The following FA2H variants were observed in gnomAD, a reference collection of about 807,000 sequenced individuals.
FA2H encodes the protein fatty acid alpha-hydroxylase.
Under a neutral mutation model 44.9 loss-of-function variants are expected in FA2H, and 22 were observed. The ratio of observed to expected loss-of-function variants is 0.49; its 90% confidence interval spans 0.35 to 0.70. The LOEUF (loss-of-function observed/expected upper bound fraction) is 0.70, where lower values mean the gene tolerates loss of function less well. Ranked by LOEUF, FA2H falls within the 30% of genes least tolerant of loss-of-function variation. The probability of loss-of-function intolerance (pLI) is 0.01; values close to 1 mark genes in which losing one functional copy is unlikely to be tolerated. For synonymous variants in FA2H, 243 were observed against 213.2 expected, an observed-to-expected ratio of 1.14 and a Z score of -1.22; for missense variants, 501 against 504.9, an observed-to-expected ratio of 0.99 and a Z score of 0.07.
At chr16:74,741,543 C>T (rs1421926729) in intron 1 of FA2H, among the ~76,000 whole-genome samples, 8 of 152,012 alleles carry the variant, frequency 5.3e-5, no homozygotes, top group African/African-American at 1.9e-4. Context: ...CCCATGCCAC[C>T]TCTGTCTTCT....
chr16:74,754,805 T>A (rs1377413011), intron 1 of FA2H, among the ~76,000 whole-genome samples: 2 of 152,160 alleles, frequency 1.3e-5, no homozygotes, highest in East Asian at 3.9e-4. Context: ...TGGGATTACA[T>A]GCCTGAGCCA....
chr16:74,771,253 C>T (rs947125596), intron 1 of FA2H, among the ~76,000 whole-genome samples: 2 of 151,968 alleles, frequency 1.3e-5, no homozygotes, highest in Admixed American at 6.6e-5. Context: ...TGCAGTGGTG[C>T]GATCTCAGCT....
At chr16:74,747,273 T>C (rs775616134) in intron 1 of FA2H, among the ~76,000 whole-genome samples, 1 of 151,926 alleles carries the variant, frequency 6.6e-6, no homozygotes, top group Non-Finnish European at 1.5e-5. Flanking sequence ...ATCTCGCCAC[T>C]GCACTCCAGC....
At chr16:74,734,242 C>T (rs576954372) in intron 2 of FA2H, among the ~76,000 whole-genome samples, 1 of 152,318 alleles carries the variant, frequency 6.6e-6, no homozygotes, top group African/African-American at 2.4e-5. Context: ...TCCCACGGCT[C>T]CCCCTACAGT....
chr16:74,771,743 C>A (rs1962911769), intron 1 of FA2H, among the ~76,000 whole-genome samples: 1 of 152,152 alleles, frequency 6.6e-6, no homozygotes, highest in Non-Finnish European at 1.5e-5. Flanking sequence ...AATGCTGAGT[C>A]CCAGCATATT....
At chr16:74,766,125 C>G (rs1446881758) in intron 1 of FA2H, among the ~76,000 whole-genome samples, 2 of 151,994 alleles carry the variant, frequency 1.3e-5, no homozygotes, top group African/African-American at 4.8e-5. Context: ...ATGGTGAAAC[C>G]CTGTCTCTAG....
chr16:74,772,826 A>G (rs1267652578), intron 1 of FA2H, among the ~76,000 whole-genome samples: 4 of 152,280 alleles, frequency 2.6e-5, no homozygotes, highest in African/African-American at 9.6e-5. Flanking sequence ...ATAGTAGCCA[A>G]TGCCACATCA....
intron 1 of FA2H, among the ~76,000 whole-genome samples, chr16:74,770,889 C>G (rs112826622): frequency 1.3e-5 from 2 of 152,330 alleles, no homozygotes; most frequent in Admixed American, 1.3e-4. Context: ...GGCTCTTAGG[C>G]AACAGATGAG....
Position 74,719,154 on chromosome 16 carries a change from G to T in FA2H, c.620C>A (p.Thr207Lys). The T allele has an allele frequency of 6.2e-7, 1 of 1,612,922 alleles. No individual in the cohort carries two copies. The change falls in exon 5 of 7, where the codon ACG (threonine) becomes AAG (lysine). Residue 207 changes from threonine to lysine, a missense_variant. Physicochemically the swap from Thr to Lys is moderately conservative, Grantham distance 78 (BLOSUM62 -1). Coordinates refer to ENST00000219368, the MANE Select transcript of FA2H (RefSeq NM_024306.5). Reference protein sequence around the residue: ...RLFTSFTTEYTVAVPKSMFPG... With the variant: ...RLFTSFTTEYKVAVPKSMFPG... Reference sequence around the variant, plus strand: ...GAACATGGACTTGGGCACTGCCACCGTGTACTCTGCAGGGTGGCAGGGAGA... The same window carrying T: ...GAACATGGACTTGGGCACTGCCACCTTGTACTCTGCAGGGTGGCAGGGAGA...
intron 1 of FA2H, among the ~76,000 whole-genome samples, chr16:74,754,479 T>C (rs1325731280): frequency 1.3e-5 from 2 of 152,170 alleles, no homozygotes; most frequent in Non-Finnish European, 2.9e-5. Flanking sequence ...TGCCAACTCA[T>C]GTCCGCCCAG....
chr16:74,717,272 T>C (rs1597539065), intron 5 of FA2H, among the ~76,000 whole-genome samples: 1 of 152,066 alleles, frequency 6.6e-6, no homozygotes, highest in African/African-American at 2.4e-5. Flanking sequence ...GAGAAGAGAA[T>C]CCTGCAGCCT....
chr16:74,762,164 G>A (rs375805024), intron 1 of FA2H, among the ~76,000 whole-genome samples: 3 of 151,974 alleles, frequency 2.0e-5, no homozygotes, highest in East Asian at 3.9e-4. Context: ...TGCCTCAGCC[G>A]CCTGAGTAGG....
chr16:74,753,297 A>T (rs1597565542), intron 1 of FA2H, among the ~76,000 whole-genome samples: 1 of 152,332 alleles, frequency 6.6e-6, no homozygotes, highest in Non-Finnish European at 1.5e-5. Flanking sequence ...CTCAGAGGGC[A>T]AGAGCATGGG....
At chr16:74,766,453 G>T (rs1962810830) in intron 1 of FA2H, among the ~76,000 whole-genome samples, 1 of 152,172 alleles carries the variant, frequency 6.6e-6, no homozygotes, top group Non-Finnish European at 1.5e-5. Flanking sequence ...GGACTTAAGG[G>T]ATATGGCAAT....
intron 6 of FA2H, among the ~76,000 whole-genome samples, chr16:74,714,866 C>A (rs1470126018): frequency 7.8e-6 from 1 of 128,898 alleles, no homozygotes; most frequent in African/African-American, 2.9e-5. Context: ...GATGGAGTTT[C>A]GTTCTTGTTG....
chr16:74,753,826 A>G (rs1045849771), intron 1 of FA2H, among the ~76,000 whole-genome samples: 1 of 152,238 alleles, frequency 6.6e-6, no homozygotes, highest in African/African-American at 2.4e-5. Context: ...GTATTTACAA[A>G]AAATACAGAT....
chr16:74,738,195 G>C (rs1251402891), intron 2 of FA2H, among the ~76,000 whole-genome samples: 1 of 152,144 alleles, frequency 6.6e-6, no homozygotes, highest in African/African-American at 2.4e-5. Flanking sequence ...AGGAGGAAGG[G>C]GAGGAAGAGT....
At chr16:74,722,768 G>A (rs1010333665) in intron 4 of FA2H, among the ~76,000 whole-genome samples, 4 of 152,090 alleles carry the variant, frequency 2.6e-5, no homozygotes, top group Admixed American at 6.5e-5. Flanking sequence ...AAAATTAGCC[G>A]GTCATGGTGG....
At chr16:74,722,084 G>A (rs368833783) in intron 4 of FA2H, among the ~76,000 whole-genome samples, 40 of 152,338 alleles carry the variant, frequency 2.6e-4, no homozygotes, top group African/African-American at 8.7e-4. Flanking sequence ...CTGCTCGGCA[G>A]TGCAAAGCCC....
Sources: gnomAD v4.1 joint callset for allele counts (sites outside exome capture counted in the v4.1 genomes callset) on GRCh38, gnomAD v4.1.1 for gene constraint, MANE v1.5 for transcripts, NCBI Gene and HGNC (gene_info 2026-07-23, HGNC 2026-07-21) for gene names.